The following YOD1 variants were observed in gnomAD, a reference collection of about 807,000 sequenced individuals.
The protein encoded by YOD1 is YOD1 deubiquitinase.
YOD1 carries 17 observed loss-of-function variants against 23.7 expected under a neutral mutation model. The observed-to-expected ratio is 0.72, with a 90% CI of 0.49 to 1.07. The LOEUF is 1.07. Among genes scored for constraint, YOD1 ranks in the 50% least tolerant of loss-of-function variants. The probability of loss-of-function intolerance (pLI) is 0.00; values close to 1 mark genes in which losing one functional copy is unlikely to be tolerated. For missense variants in YOD1, 413 were observed against 447.2 expected, an observed-to-expected ratio of 0.92 and a Z score of 0.69; for synonymous variants, 191 against 169.6, an observed-to-expected ratio of 1.13 and a Z score of -0.98.
intron 1 of YOD1, among the ~76,000 whole-genome samples, chr1:207,050,457 G>A (rs766802957): frequency 1.3e-5 from 2 of 152,210 alleles, no homozygotes; most frequent in Non-Finnish European, 2.9e-5. Context: ...GAATGGGGAA[G>A]GGGGTCTTCA....
chr1:207,052,339 G>C (rs1682774229), upstream of YOD1: 4 of 984,748 alleles, frequency 4.1e-6, no homozygotes, highest in Admixed American at 1.9e-5. Context: ...TTAGGGGGTA[G>C]GTAGGAGGGA....
chr1:207,052,660 A>C (rs1407721140), upstream of YOD1, among the ~76,000 whole-genome samples: 1 of 152,206 alleles, frequency 6.6e-6, no homozygotes, highest in Admixed American at 6.5e-5. Flanking sequence ...CTCAAAAAAC[A>C]AAAACCAAAC....
chr1:207,048,754 G>A lies in YOD1; in HGVS notation c.*266C>T, dbSNP rs1325590505. On this transcript the variant is annotated 3_prime_UTR_variant, in exon 2 of 2. Transcript: ENST00000315927. ...ATACTCAATCTCAACCTTCAGGTCA[G>A]TGTCAGTAGGTGGCAAGGATCACCT... The A allele has an allele frequency of 4.7e-6, 2 of 424,100 alleles. No homozygotes were observed. Among genetic ancestry groups the A allele is most frequent in the African/African-American group, 4.0e-5 (2 of 49,872 alleles). 26.3% of individuals were successfully genotyped at this position (424,100 alleles called of 1,614,324 possible).
chr1:207,046,298 T>C lies in YOD1; in HGVS notation c.*2722A>G, dbSNP rs912116332. The stretch of plus-strand genomic sequence containing the variant: ...ATTTAATCCTCCTGAAAGTTGTAAG[T>C]CCATAGATTTTCAAAATTCCCAAGA... On this transcript the variant is annotated 3_prime_UTR_variant, in exon 2 of 2. Coordinates refer to ENST00000315927, the MANE Select transcript of YOD1 (RefSeq NM_018566.4). The C allele has an allele frequency of 6.6e-6, 1 of 152,034 alleles. No homozygotes were observed. The highest frequency in any genetic ancestry group is 1.5e-5 in the Non-Finnish European group (1 of 67,918). The allele number at this position is 152,034 out of a possible 1,614,324, so 9.4% of individuals were successfully genotyped here.
chr1:207,051,427 C>G (rs1212608476), upstream of YOD1, among the ~76,000 whole-genome samples: 1 of 152,220 alleles, frequency 6.6e-6, no homozygotes, highest in African/African-American at 2.4e-5. Flanking sequence ...AGTCAAAGGA[C>G]CAGTCAAAAA....
chr1:207,051,447 T>G (rs912944946), upstream of YOD1, among the ~76,000 whole-genome samples: 5 of 152,210 alleles, frequency 3.3e-5, no homozygotes, highest in Non-Finnish European at 5.9e-5. Context: ...ACAATCACAC[T>G]TGTGACTAGA....
At chr1:207,052,661 A>G (rs561825227), upstream of YOD1, among the ~76,000 whole-genome samples, 291 of 152,310 alleles carry the variant, frequency 1.9e-3, 1 homozygote, top group African/African-American at 6.8e-3. Flanking sequence ...TCAAAAAACA[A>G]AAACCAAACC....
chr1:207,051,296 T>TCTGCAAGATTG (rs1682746924), upstream of YOD1, among the ~76,000 whole-genome samples: 1 of 152,184 alleles, frequency 6.6e-6, no homozygotes, highest in Non-Finnish European at 1.5e-5. Flanking sequence ...GATTGGAATG[T>TCTGCAAGATTG]GACCTTGCAC....
rs961563948 is a variant in YOD1, at chr1:207,048,083, G to A, written c.*937C>T. 3.3e-5 allele frequency: 5 copies of A among 152,374 alleles called. No individual in the cohort carries two copies. The highest frequency in any genetic ancestry group is 2.1e-4 in the South Asian group (1 of 4,828). 9.4% of individuals were successfully genotyped at this position (152,374 alleles called of 1,614,324 possible). A position where few individuals can be genotyped will look rare whatever the true frequency, so the allele number is the denominator to read the frequency against. On this transcript the variant is annotated 3_prime_UTR_variant, in exon 2 of 2. Transcript: ENST00000315927. Reference sequence around the variant, plus strand: ...TTAAATTCCCCCCGATAAACTTTACGCAAATGAAGAAAAAACTGAGGACTC... The same window carrying A: ...TTAAATTCCCCCCGATAAACTTTACACAAATGAAGAAAAAACTGAGGACTC...
chr1:207,050,362 G>A (rs887425089), intron 1 of YOD1, among the ~76,000 whole-genome samples: 1 of 152,106 alleles, frequency 6.6e-6, no homozygotes, highest in Non-Finnish European at 1.5e-5. Flanking sequence ...GAGACATAAG[G>A]ACAGAGAAAA....
chr1:207,046,564 A>C lies in YOD1; in HGVS notation c.*2456T>G, dbSNP rs962337243. 1.3e-5 allele frequency: 2 copies of C among 152,122 alleles called. No individual in the cohort carries two copies. The highest frequency in any genetic ancestry group is 6.5e-5 in the Admixed American group (1 of 15,270). 9.4% of individuals were successfully genotyped at this position (152,122 alleles called of 1,614,324 possible). A position where few individuals can be genotyped will look rare whatever the true frequency, so the allele number is the denominator to read the frequency against. ...TAAAGTACTAGTGCTAAATTTCAGC[A>C]GACTAAAGAGTCATTTTTGAAAGGA... On this transcript the variant is annotated 3_prime_UTR_variant, in exon 2 of 2. Coordinates refer to ENST00000315927, the MANE Select transcript of YOD1 (RefSeq NM_018566.4).
In YOD1 at chr1:207,049,074, T is replaced by C. The variant is rs1401496921; in HGVS notation, c.993A>G (p.Ala331=). The C allele has an allele frequency of 6.2e-7, 1 of 1,613,928 alleles. No homozygotes were observed. The highest frequency in any genetic ancestry group is 1.3e-5 in the African/African-American group (1 of 74,876). The change falls in exon 2 of 2, where the codon GCA becomes GCG. Residue 331 remains alanine (A), a synonymous_variant. Coordinates refer to ENST00000315927, the MANE Select transcript of YOD1 (RefSeq NM_018566.4). ...MVCQKGLTGQ[A]EAREHAKETG... ...TCTCCTTGGCATGTTCCCTTGCTTCTGCTTGTCCAGTTAATCCTTTCTGAC... is the reference window on the plus strand; with the variant it reads ...TCTCCTTGGCATGTTCCCTTGCTTCCGCTTGTCCAGTTAATCCTTTCTGAC...
In YOD1 at chr1:207,051,152, A is replaced by G; in HGVS notation, c.-122T>C. 2 of 1,421,014 alleles carry G rather than the reference A, an allele frequency of 1.4e-6. No individual in the cohort carries two copies. Among genetic ancestry groups the G allele is most frequent in the Non-Finnish European group, 1.8e-6 (2 of 1,092,750 alleles). The allele number at this position is 1,421,014 out of a possible 1,614,324, so 88.0% of individuals were successfully genotyped here. Reference sequence around the variant, plus strand: ...GATTTTTCCCCCACCCTCAGAACGAAGATGTAAACCTCCGTATTCCTAAAG... The same window carrying G: ...GATTTTTCCCCCACCCTCAGAACGAGGATGTAAACCTCCGTATTCCTAAAG... On this transcript the variant is annotated 5_prime_UTR_variant, in exon 1 of 2. Transcript: ENST00000315927.
Position 207,044,294 on chromosome 1 carries a change from A to C in YOD1, c.*4726T>G, listed in dbSNP as rs1682541706. The C allele has an allele frequency of 1.3e-5, 2 of 152,556 alleles. No homozygotes were observed. Among genetic ancestry groups the C allele is most frequent in the South Asian group, 4.1e-4 (2 of 4,832 alleles). The allele number at this position is 152,556 out of a possible 1,614,324, so 9.5% of individuals were successfully genotyped here. ...TTCATTCTGTATTTAGGCTGAATTC[A>C]AATTTTTTTCAAGGAAAAATACTAT... On this transcript the variant is annotated 3_prime_UTR_variant, in exon 2 of 2. Coordinates refer to ENST00000315927, the MANE Select transcript of YOD1 (RefSeq NM_018566.4).
rs1682583692 is a variant in YOD1 at position 207,045,657 on chromosome 1, C to T, written c.*3363G>A. On this transcript the variant is annotated 3_prime_UTR_variant, in exon 2 of 2. Transcript: ENST00000315927. ...CATACTTCCCATTCCATTTTTTTTC[C>T]CAAAAAGATGTAAGAAAACTATGTT... 1 of 150,616 alleles carries T rather than the reference C, an allele frequency of 6.6e-6. No individual in the cohort carries two copies. The highest frequency in any genetic ancestry group is 2.4e-5 in the African/African-American group (1 of 40,990). The allele number at this position is 150,616 out of a possible 1,614,324, so 9.3% of individuals were successfully genotyped here.
rs1572711847 is a variant in YOD1, at chr1:207,051,115, A to C, written c.-85T>G. The stretch of plus-strand genomic sequence containing the variant: ...TACCTTAGCAAGCGCGAACTCTTTT[A>C]AAGTGACAACTGATTTTTCCCCCAC... On this transcript the variant is annotated 5_prime_UTR_variant, in exon 1 of 2. Transcript: ENST00000315927. 4.9e-6 allele frequency: 7 copies of C among 1,427,302 alleles called. No individual in the cohort carries two copies. In the South Asian group the frequency reaches 1.1e-4, roughly 21 times the overall value. 88.4% of individuals were successfully genotyped at this position (1,427,302 alleles called of 1,614,324 possible).
Position 207,046,312 on chromosome 1 carries a change from A to G in YOD1, c.*2708T>C, listed in dbSNP as rs1682600837. ...AAAGTTGTAAGTCCATAGATTTTCA[A>G]AATTCCCAAGATGAGAATTTACTCC... On this transcript the variant is annotated 3_prime_UTR_variant, in exon 2 of 2. Coordinates refer to ENST00000315927, the MANE Select transcript of YOD1 (RefSeq NM_018566.4). 6.6e-6 allele frequency: 1 copy of G among 152,116 alleles called. No individual in the cohort carries two copies. The highest frequency in any genetic ancestry group is 1.5e-5 in the Non-Finnish European group (1 of 67,946). 9.4% of individuals were successfully genotyped at this position (152,116 alleles called of 1,614,324 possible).
chr1:207,050,590 C>T (rs1230144431), intron 1 of YOD1, 98 bp downstream of exon 1: 1 of 1,530,216 alleles, frequency 6.5e-7, no homozygotes, highest in African/African-American at 1.4e-5. Flanking sequence ...GCCCCCCCGC[C>T]GACTCACAGC....
rs1558054614 is a variant in YOD1, at chr1:207,050,931, C to T, written c.100G>A (p.Ala34Thr). The T allele has an allele frequency of 1.9e-6, 3 of 1,588,048 alleles. No individual in the cohort carries two copies. The highest frequency in any genetic ancestry group is 2.2e-5 in the South Asian group (2 of 89,058). Residue 34 changes from alanine (A) to threonine (T), a missense_variant, in exon 1 of 2, where the codon GCG (alanine) becomes ACG (threonine). By Grantham distance (58) the Ala-to-Thr change is moderately conservative. Transcript: ENST00000315927. ...CGGCTGCCCACAGGCCAGGCACCCG[C>T]GGGGCCAGCTTTGGTCCCGGCAGCC... ...QQAAGTKAGP[A>T]GAWPVGSRTD...
Sources: gnomAD v4.1 joint callset for allele counts (sites outside exome capture counted in the v4.1 genomes callset) on GRCh38, gnomAD v4.1.1 for gene constraint, MANE v1.5 for transcripts, NCBI Gene and HGNC (gene_info 2026-07-23, HGNC 2026-07-21) for gene names.